Variants in PRPF4 observed in about 807,000 individuals in gnomAD.
The protein encoded by PRPF4 is U4/U6 small nuclear ribonucleoprotein Prp4.
PRPF4 carries 14 observed loss-of-function variants against 72.2 expected under a neutral mutation model. The observed-to-expected ratio is 0.19, with a 90% CI of 0.13 to 0.30. The LOEUF is 0.30. Among genes scored for constraint, PRPF4 ranks in the 10% least tolerant of loss-of-function variants. The pLI is 1.00. For missense variants in PRPF4, 478 were observed against 653.9 expected, an observed-to-expected ratio of 0.73 and a Z score of 2.93; for synonymous variants, 225 against 232.2, an observed-to-expected ratio of 0.97 and a Z score of 0.28.
rs1352322219 is a variant in PRPF4 at position 113,291,513 on chromosome 9, C to A, written c.1419C>A (p.Ala473=). 4 of 1,614,140 alleles carry A rather than the reference C, an allele frequency of 2.5e-6. No individual in the cohort carries two copies. The East Asian group carries it at 6.7e-5, about 27-fold the overall frequency. ...TTACTGGTGCCTATGATAACACAGC[C>A]AAGATCTGGACGCACCCAGGCTGGT... ...FLLTGAYDNT[A]KIWTHPGWSP... The change falls in exon 14 of 14, where the codon GCC becomes GCA. Residue 473 remains alanine (A), a synonymous_variant. Coordinates refer to ENST00000374198, the MANE Select transcript of PRPF4 (RefSeq NM_001244926.2).
At chr9:113,275,908 T>A in intron 1 of PRPF4, 138 bp downstream of exon 1, 2 of 1,168,402 alleles carry the variant, frequency 1.7e-6, no homozygotes, top group Non-Finnish European at 2.3e-6. Flanking sequence ...AGCGGTGTCC[T>A]ACACAGCGGA....
At chr9:113,275,902 G>GA in intron 1 of PRPF4, 132 bp downstream of exon 1, 1 of 1,233,964 alleles carries the variant, frequency 8.1e-7, no homozygotes. Context: ...GGACTCAGCG[G>GA]TGTCCTACAC....
intron 2 of PRPF4, among the ~76,000 whole-genome samples, chr9:113,277,100 A>C (rs1832132348): frequency 6.6e-6 from 1 of 152,172 alleles, no homozygotes; most frequent in Non-Finnish European, 1.5e-5. Flanking sequence ...GGTGTGAGCC[A>C]CTGTGCCCGG....
In PRPF4 at chr9:113,290,342, A is replaced by G. The variant is rs1832572056; in HGVS notation, c.1023-124A>G. ...TATGTCAGAAAGGAGCTTCCTGTTA[A>G]TATGGTTATATGAATAGTTTCAGAA... On this transcript the variant is annotated intron_variant, in intron 10 of 13. Coordinates refer to ENST00000374198, the MANE Select transcript of PRPF4 (RefSeq NM_001244926.2). 4 of 1,363,170 alleles carry G rather than the reference A, an allele frequency of 2.9e-6. No homozygotes were observed. The South Asian group carries it at 5.3e-5, about 18-fold the overall frequency. 84.4% of individuals were successfully genotyped at this position (1,363,170 alleles called of 1,614,324 possible).
chr9:113,282,903 T>C, intron 4 of PRPF4, 170 bp downstream of exon 4: 3 of 1,003,380 alleles, frequency 3.0e-6, no homozygotes, highest in Non-Finnish European at 4.3e-6. Context: ...TTTGTAAGTA[T>C]GAATGGAGCT....
intron 13 of PRPF4, 115 bp from the exon 14 acceptor site, chr9:113,291,352 A>G: frequency 9.5e-7 from 1 of 1,058,152 alleles, no homozygotes; most frequent in Non-Finnish European, 1.4e-6. Flanking sequence ...TGTTCCCTTA[A>G]GTCTGTAGAA....
At chr9:113,285,714 C>T (rs1832428828) in intron 7 of PRPF4, among the ~76,000 whole-genome samples, 1 of 151,666 alleles carries the variant, frequency 6.6e-6, no homozygotes, top group Non-Finnish European at 1.5e-5. Flanking sequence ...TTTTTTAAAA[C>T]GTTAGCCAGG....
At position 113,291,461 on chromosome 9, in the gene PRPF4, C is replaced by T; in HGVS notation, c.1373-6C>T. The T allele has an allele frequency of 1.2e-6, 2 of 1,608,778 alleles. No homozygotes were observed. Among genetic ancestry groups the T allele is most frequent in the Non-Finnish European group, 1.7e-6 (2 of 1,175,500 alleles). On this transcript the variant is annotated splice_polypyrimidine_tract_variant and splice_region_variant and intron_variant, in intron 13 of 13. Coordinates refer to ENST00000374198, the MANE Select transcript of PRPF4 (RefSeq NM_001244926.2). ...CTCAAGCAATTCCCCTTCTCTTCTCCTGTAGCTATCCATGGGAACTTCTTG... is the reference window on the plus strand; with the variant it reads ...CTCAAGCAATTCCCCTTCTCTTCTCTTGTAGCTATCCATGGGAACTTCTTG...
chr9:113,289,051 C>T (rs906176068), intron 10 of PRPF4, among the ~76,000 whole-genome samples: 2 of 152,202 alleles, frequency 1.3e-5, no homozygotes, highest in Non-Finnish European at 2.9e-5. Context: ...CCAGCCAACT[C>T]CCCCTTCTAA....
chr9:113,282,022 G>A (rs1304094189), intron 3 of PRPF4, among the ~76,000 whole-genome samples: 1 of 152,190 alleles, frequency 6.6e-6, no homozygotes, highest in Non-Finnish European at 1.5e-5. Context: ...AAAGTTGGCA[G>A]TCTTCACAGA....
At chr9:113,275,857 G>A in intron 1 of PRPF4, 87 bp downstream of exon 1, 4 of 1,560,134 alleles carry the variant, frequency 2.6e-6, no homozygotes, top group Middle Eastern at 1.7e-4. Context: ...TAAGGAGCGG[G>A]AGAAGGCGGT....
rs1191637723 is a variant in PRPF4, at chr9:113,276,581, G to T, written c.61G>T (p.Ala21Ser). ...AACTAAAGCACCCGACGACTTAGTT[G>T]CTCCGGTCGTGAAGAAACCACACAT... Reference protein sequence around the residue: ...TKTKAPDDLVAPVVKKPHIYY... With the variant: ...TKTKAPDDLVSPVVKKPHIYY... Residue 21 changes from alanine to serine, a missense_variant, in exon 2 of 14, where the codon GCT becomes TCT. Transcript: ENST00000374198. 4 of 1,614,064 alleles carry T rather than the reference G, an allele frequency of 2.5e-6. No homozygotes were observed. The highest frequency in any genetic ancestry group is 3.4e-6 in the Non-Finnish European group (4 of 1,180,052).
intron 7 of PRPF4, 123 bp downstream of exon 7, chr9:113,284,512 A>C: frequency 1.3e-6 from 1 of 782,994 alleles, no homozygotes; most frequent in Non-Finnish European, 2.1e-6. Flanking sequence ...ATCACACCAA[A>C]CTACAGATGT....
Position 113,290,673 on chromosome 9 carries a change from G to A in PRPF4, c.1146-27G>A, listed in dbSNP as rs1386853671. ...GCTTCCACAGAGAACTGGATTCAAA[G>A]TGTTCATTTCTAAATTATTTTCTCA... is the stretch of plus-strand genomic sequence containing the variant. On this transcript the variant is annotated intron_variant, in intron 11 of 13. Coordinates refer to ENST00000374198, the MANE Select transcript of PRPF4 (RefSeq NM_001244926.2). 3 of 1,614,136 alleles carry A rather than the reference G, an allele frequency of 1.9e-6. No homozygotes were observed. In the East Asian group the frequency reaches 6.7e-5, roughly 36 times the overall value.
At chr9:113,287,019 C>G (rs1344010526) in intron 9 of PRPF4, among the ~76,000 whole-genome samples, 191 bp downstream of exon 9, 1 of 152,054 alleles carries the variant, frequency 6.6e-6, no homozygotes, top group Non-Finnish European at 1.5e-5. Flanking sequence ...ACACTGCACT[C>G]CAGCTTGGGT....
chr9:113,288,529 C>G (rs1053478280), intron 10 of PRPF4, among the ~76,000 whole-genome samples: 1 of 151,870 alleles, frequency 6.6e-6, no homozygotes, highest in African/African-American at 2.4e-5. Flanking sequence ...CGCCGTCTCC[C>G]GGGTTCAAGC....
Position 113,286,798 on chromosome 9 carries a change from A to T in PRPF4, c.902A>T (p.Asp301Val). Residue 301 changes from aspartate (D) to valine (V), a missense_variant, in exon 9 of 14, where the codon GAT becomes GTT. By Grantham distance (152) the Asp-to-Val change is radical (BLOSUM62 -3). Coordinates refer to ENST00000374198, the MANE Select transcript of PRPF4 (RefSeq NM_001244926.2). Reference sequence around the variant, plus strand: ...GTCAACCTGGCCTCTTGTGCGGCTGATGGCTCTGTGAAGCTTTGGAGTCTC... The same window carrying T: ...GTCAACCTGGCCTCTTGTGCGGCTGTTGGCTCTGTGAAGCTTTGGAGTCTC... Reference protein sequence around the residue: ...KDVNLASCAADGSVKLWSLDS... With the variant: ...KDVNLASCAAVGSVKLWSLDS... 1 of 1,614,180 alleles carries T rather than the reference A, an allele frequency of 6.2e-7. No individual in the cohort carries two copies. The highest frequency in any genetic ancestry group is 8.5e-7 in the Non-Finnish European group (1 of 1,180,010).
At chr9:113,275,798 C>T (rs773411145) in intron 1 of PRPF4, 28 bp downstream of exon 1, 7 of 1,610,066 alleles carry the variant, frequency 4.3e-6, no homozygotes, top group South Asian at 1.1e-5. Flanking sequence ...CCAGCTCACT[C>T]TGGCAGGGAG....
intron 3 of PRPF4, among the ~76,000 whole-genome samples, chr9:113,279,387 A>G (rs943992152): frequency 6.6e-6 from 1 of 151,632 alleles, no homozygotes; most frequent in Non-Finnish European, 1.5e-5. Flanking sequence ...GTTTTGAGAC[A>G]GAGTCTTGCT....
Sources: allele counts gnomAD v4.1 joint callset (sites outside exome capture counted in the v4.1 genomes callset), GRCh38; gene constraint gnomAD v4.1.1; transcripts MANE v1.5; gene names NCBI Gene and HGNC (gene_info 2026-07-23, HGNC 2026-07-21).